The following CNTN3 variants were observed in gnomAD, a reference collection of about 807,000 sequenced individuals.
CNTN3 encodes contactin 3.
In CNTN3, 60 loss-of-function variants were observed where a neutral mutation model predicts 119.1. That is an observed-to-expected ratio of 0.50 (90% confidence interval 0.41 to 0.62). CNTN3 has a LOEUF of 0.62. Ranked by LOEUF, CNTN3 falls within the 20% of genes least tolerant of loss-of-function variation. The pLI is 0.00. For synonymous variants in CNTN3, 450 were observed against 438.7 expected, an observed-to-expected ratio of 1.03 and a Z score of -0.32; for missense variants, 1,101 against 1,242.4, an observed-to-expected ratio of 0.89 and a Z score of 1.71.
intron 2 of CNTN3, among the ~76,000 whole-genome samples, chr3:74,502,987 A>G (rs1300355619): frequency 6.6e-6 from 1 of 152,210 alleles, no homozygotes; most frequent in Non-Finnish European, 1.5e-5. Flanking sequence ...GAATGAAACA[A>G]TCCTCATAAT....
At chr3:74,445,014 T>C (rs1380191153) in intron 4 of CNTN3, among the ~76,000 whole-genome samples, 1 of 152,210 alleles carries the variant, frequency 6.6e-6, no homozygotes, top group Non-Finnish European at 1.5e-5. Context: ...CTATTTTTCC[T>C]GAAGTCAGCA....
chr3:74,345,125 A>C (rs776718669), intron 11 of CNTN3, among the ~76,000 whole-genome samples: 11 of 152,178 alleles, frequency 7.2e-5, no homozygotes, highest in Non-Finnish European at 1.3e-4. Flanking sequence ...ATTATCTTGC[A>C]GTGAAACAAA....
intron 11 of CNTN3, among the ~76,000 whole-genome samples, chr3:74,341,075 A>T (rs1294992847): frequency 6.6e-6 from 1 of 152,284 alleles, no homozygotes; most frequent in Non-Finnish European, 1.5e-5. Flanking sequence ...TCACACAAAG[A>T]CTTCAAAGCA....
chr3:74,385,629 A>G (rs1264154795), intron 5 of CNTN3, among the ~76,000 whole-genome samples: 1 of 152,158 alleles, frequency 6.6e-6, no homozygotes, highest in East Asian at 1.9e-4. Context: ...TTTTTCTCTT[A>G]CCTGAAAAAT....
At chr3:74,592,151 G>A (rs867769931) in intron 1 of CNTN3, among the ~76,000 whole-genome samples, 15 of 151,880 alleles carry the variant, frequency 9.9e-5, no homozygotes, top group Middle Eastern at 3.2e-3. Flanking sequence ...GAAGGAATGA[G>A]GACCAGGACT....
At chr3:74,305,930 G>A (rs1238283974) in intron 13 of CNTN3, among the ~76,000 whole-genome samples, 1 of 151,636 alleles carries the variant, frequency 6.6e-6, no homozygotes, top group Non-Finnish European at 1.5e-5. Flanking sequence ...GTCATAGATG[G>A]GAGAAGTCAA....
intron 1 of CNTN3, among the ~76,000 whole-genome samples, chr3:74,575,693 GA>G (rs1296976341): frequency 6.7e-6 from 1 of 149,818 alleles, no homozygotes; most frequent in Non-Finnish European, 1.5e-5. Flanking sequence ...TTAGGGGGAG[GA>G]TATTTGGGGG....
At chr3:74,546,306 C>G (rs928125137) in intron 1 of CNTN3, among the ~76,000 whole-genome samples, 1 of 152,122 alleles carries the variant, frequency 6.6e-6, no homozygotes, top group South Asian at 2.1e-4. Context: ...ATTTCTTGAA[C>G]TTTTAAGCAA....
chr3:74,547,235 T>C (rs1427283677), intron 1 of CNTN3, among the ~76,000 whole-genome samples: 1 of 152,228 alleles, frequency 6.6e-6, no homozygotes, highest in Non-Finnish European at 1.5e-5. Context: ...CAACTTGCTA[T>C]TCTTAATAAC....
chr3:74,460,707 T>C (rs1702348911), intron 4 of CNTN3, among the ~76,000 whole-genome samples: 1 of 149,548 alleles, frequency 6.7e-6, no homozygotes, highest in Admixed American at 6.7e-5. Flanking sequence ...ACAGTTATCC[T>C]CTAAAAGTAG....
chr3:74,473,082 A>C (rs1702594121), intron 4 of CNTN3, among the ~76,000 whole-genome samples: 1 of 151,512 alleles, frequency 6.6e-6, no homozygotes, highest in Non-Finnish European at 1.5e-5. Flanking sequence ...TTAAAAAAAT[A>C]TAATCTAAGA....
At chr3:74,549,374 C>G (rs1384761326) in intron 1 of CNTN3, among the ~76,000 whole-genome samples, 4 of 152,142 alleles carry the variant, frequency 2.6e-5, no homozygotes, top group African/African-American at 9.7e-5. Flanking sequence ...CCTATTAAAC[C>G]TCTTTTCTTT....
chr3:74,508,140 G>A (rs76589270), intron 2 of CNTN3, among the ~76,000 whole-genome samples: 8,628 of 152,068 alleles, frequency 0.057, 528 homozygotes, highest in East Asian at 0.21. Context: ...TGAATTATGC[G>A]GACAGTTTCC....
At chr3:74,445,153 ATTTTAGTTAGGAGGTTACACGATGTTTG>A (rs1458225949) in intron 4 of CNTN3, among the ~76,000 whole-genome samples, 1 of 152,218 alleles carries the variant, frequency 6.6e-6, no homozygotes, top group African/African-American at 2.4e-5. Flanking sequence ...CTAATGATAT[ATTTTAGTTAGGAGGTTACACGATGTTTG>A]CAATGCAACA....
chr3:74,456,183 T>C (rs181314188), intron 4 of CNTN3, among the ~76,000 whole-genome samples: 24 of 152,112 alleles, frequency 1.6e-4, no homozygotes, highest in Admixed American at 1.4e-3. Flanking sequence ...TCCTCTTTAT[T>C]GTATAACTTT....
intron 1 of CNTN3, among the ~76,000 whole-genome samples, chr3:74,535,826 T>C (rs1384631681): frequency 6.6e-6 from 1 of 152,082 alleles, no homozygotes; most frequent in East Asian, 1.9e-4. Flanking sequence ...AAATCACAAC[T>C]TCAAGACATT....
intron 4 of CNTN3, among the ~76,000 whole-genome samples, chr3:74,468,880 TTTTACAAAAATAGGTTCCAAGCCTGTCA>T (rs1339329378): frequency 1.3e-5 from 2 of 152,114 alleles, no homozygotes; most frequent in African/African-American, 4.8e-5. Flanking sequence ...AATTACATCG[TTTTACAAAAATAGGTTCCAAGCCTGTCA>T]TTTAGTTGTT....
At chr3:74,607,882 G>T (rs56072161) in intron 1 of CNTN3, among the ~76,000 whole-genome samples, 1 of 152,264 alleles carries the variant, frequency 6.6e-6, no homozygotes, top group South Asian at 2.1e-4. Flanking sequence ...GGATAAAACC[G>T]TGTAGGGCTA....
chr3:74,519,345 G>A (rs1703504163), intron 2 of CNTN3, among the ~76,000 whole-genome samples: 1 of 151,704 alleles, frequency 6.6e-6, no homozygotes, highest in Non-Finnish European at 1.5e-5. Flanking sequence ...TCTTACTAAA[G>A]TGGACACTGC....
Sources: allele counts gnomAD v4.1 joint callset (sites outside exome capture counted in the v4.1 genomes callset), GRCh38; gene constraint gnomAD v4.1.1; transcripts MANE v1.5; gene names NCBI Gene and HGNC (gene_info 2026-07-23, HGNC 2026-07-21).